MSRA: variants seen among roughly 807,000 people sequenced by gnomAD.
MSRA encodes mitochondrial peptide methionine sulfoxide reductase.
MSRA carries 54 observed loss-of-function variants against 31.3 expected under a neutral mutation model. That is an observed-to-expected ratio of 1.73 (90% CI 1.39 to 2.17). The LOEUF (loss-of-function observed/expected upper bound fraction) is 2.17. Ranked by LOEUF, MSRA falls within the 30% of genes most tolerant of loss-of-function variation. The pLI is 0.00. For missense variants in MSRA, 507 were observed against 300.9 expected, an observed-to-expected ratio of 1.69 and a Z score of -5.07; for synonymous variants, 169 against 116.5, an observed-to-expected ratio of 1.45 and a Z score of -2.90.
chr8:10,414,805 A>G (rs1451047119), intron 5 of MSRA, among the ~76,000 whole-genome samples: 1 of 152,238 alleles, frequency 6.6e-6, no homozygotes, highest in Non-Finnish European at 1.5e-5. Flanking sequence ...TTTGTGTACT[A>G]AATGCTAAGC....
Position 10,245,163 on chromosome 8 carries a change from A to T in MSRA, c.271A>T (p.Thr91Ser). ...KFWVLKGVYS[T>S]QVGFAGGYTS... ...CTGGGTCTTGAAAGGAGTGTATTCA[A>T]CTCAAGTTGGTTTTGCAGGAGGCTA... The change falls in exon 3 of 6, where the codon ACT (threonine) becomes TCT (serine). Residue 91 changes from threonine to serine, a missense_variant. Physicochemically the swap from Thr to Ser is moderately conservative, Grantham distance 58. Coordinates refer to ENST00000317173, the MANE Select transcript of MSRA (RefSeq NM_012331.5). The T allele has an allele frequency of 6.2e-7, 1 of 1,613,792 alleles. No homozygotes were observed. The highest frequency in any genetic ancestry group is 8.5e-7 in the Non-Finnish European group (1 of 1,179,844).
At chr8:10,197,957 G>A (rs961250600) in intron 1 of MSRA, among the ~76,000 whole-genome samples, 6 of 152,290 alleles carry the variant, frequency 3.9e-5, no homozygotes, top group African/African-American at 9.6e-5. Flanking sequence ...GCAAGCAGCC[G>A]GTCATGGGTT....
chr8:10,212,141 C>T (rs934458692), intron 2 of MSRA, among the ~76,000 whole-genome samples: 3 of 151,662 alleles, frequency 2.0e-5, no homozygotes, highest in South Asian at 2.1e-4. Context: ...GAGCCGAGAT[C>T]GCGCCACTGC....
Position 10,283,127 on chromosome 8 carries a change from ATT to A in MSRA, c.332-18406_332-18405del, listed in dbSNP as rs1563306322. 1.4e-4 allele frequency among the ~76,000 whole-genome samples: 12 copies of A among 87,370 alleles called. No homozygotes were observed. The East Asian group carries it at 2.5e-3, about 18-fold the overall frequency. 57.3% of individuals were successfully genotyped at this position (87,370 alleles called of 152,430 possible). ...GACACATCATATTGCATATATTCAC[ATT>A]ACACACACACACACACACACACACA... On this transcript the variant is annotated intron_variant, in intron 3 of 5. Transcript: ENST00000317173.
At chr8:10,125,692 A>G (rs2129020586) in intron 1 of MSRA, among the ~76,000 whole-genome samples, 1 of 152,338 alleles carries the variant, frequency 6.6e-6, no homozygotes, top group South Asian at 2.1e-4. Context: ...GTCTCTCGTG[A>G]AAGTTTTCCC....
At chr8:10,357,327 G>T (rs921482145) in intron 5 of MSRA, among the ~76,000 whole-genome samples, 2 of 152,160 alleles carry the variant, frequency 1.3e-5, no homozygotes, top group African/African-American at 4.8e-5. Flanking sequence ...AGGTCTTACA[G>T]GAAAGTCAGA....
chr8:10,279,917 C>T lies in MSRA; in HGVS notation c.332-21617C>T, dbSNP rs528777570. ...TGCATTAAATGTGGCAAATCTGTTT[C>T]TTGGATATTCTGTTGAATTTACCTC... On this transcript the variant is annotated intron_variant, in intron 3 of 5. Transcript: ENST00000317173. Among the ~76,000 whole-genome samples, 15 of 152,284 alleles carry T rather than the reference C, an allele frequency of 9.9e-5. No homozygotes were observed. In the South Asian group the frequency reaches 2.9e-3, roughly 29 times the overall value.
intron 1 of MSRA, among the ~76,000 whole-genome samples, chr8:10,194,783 C>T (rs1807832287): frequency 1.3e-5 from 2 of 152,186 alleles, no homozygotes; most frequent in Admixed American, 6.5e-5. Context: ...AGCTCAGGGG[C>T]TGCTTACCTG....
chr8:10,416,206 C>T (rs1808449421), intron 5 of MSRA, among the ~76,000 whole-genome samples: 1 of 152,228 alleles, frequency 6.6e-6, no homozygotes, highest in Non-Finnish European at 1.5e-5. Context: ...CTGTTCATCC[C>T]TGTGTTCCTC....
intron 3 of MSRA, among the ~76,000 whole-genome samples, chr8:10,284,420 C>T (rs1389727983): frequency 1.3e-5 from 2 of 152,148 alleles, no homozygotes; most frequent in East Asian, 1.9e-4. Context: ...ACTCAAACTC[C>T]TCACCTCAAG....
chr8:10,233,567 C>G (rs987106023), intron 2 of MSRA, among the ~76,000 whole-genome samples: 6 of 152,160 alleles, frequency 3.9e-5, no homozygotes, highest in Non-Finnish European at 7.4e-5. Flanking sequence ...ATACCTGGAA[C>G]TCTTAGATTG....
chr8:10,409,739 G>A (rs1409535184), intron 5 of MSRA, among the ~76,000 whole-genome samples: 1 of 152,208 alleles, frequency 6.6e-6, no homozygotes, highest in African/African-American at 2.4e-5. Context: ...ACTTTCACTT[G>A]GGTTGATTTA....
At chr8:10,237,411 T>A (rs1032468368) in intron 2 of MSRA, among the ~76,000 whole-genome samples, 1 of 152,232 alleles carries the variant, frequency 6.6e-6, no homozygotes, top group African/African-American at 2.4e-5. Context: ...GTTGACTAAA[T>A]TTACAAATAA....
chr8:10,244,411 G>GT (rs1446408791), intron 2 of MSRA, among the ~76,000 whole-genome samples: 1 of 152,136 alleles, frequency 6.6e-6, no homozygotes, highest in African/African-American at 2.4e-5. Flanking sequence ...GTGGCCACTG[G>GT]TATACACACA....
intron 5 of MSRA, among the ~76,000 whole-genome samples, chr8:10,355,322 ACT>A (rs1804444247): frequency 6.6e-6 from 1 of 152,146 alleles, no homozygotes; most frequent in Non-Finnish European, 1.5e-5. Context: ...ATTGTCAGAG[ACT>A]CGGGATTTTT....
chr8:10,209,144 A>G (rs1269863062), intron 2 of MSRA, among the ~76,000 whole-genome samples: 5 of 152,264 alleles, frequency 3.3e-5, no homozygotes, highest in Admixed American at 2.6e-4. Context: ...TTGATTTTGT[A>G]GAAGGCATAA....
intron 5 of MSRA, among the ~76,000 whole-genome samples, chr8:10,367,837 A>G (rs1805256116): frequency 6.6e-6 from 1 of 152,232 alleles, no homozygotes; most frequent in Non-Finnish European, 1.5e-5. Context: ...GGCAGGCCTC[A>G]TGAGGAAGGC....
chr8:10,105,179 A>T (rs1799800791), intron 1 of MSRA, among the ~76,000 whole-genome samples: 1 of 152,052 alleles, frequency 6.6e-6, no homozygotes, highest in African/African-American at 2.4e-5. Flanking sequence ...TGCTCATCGA[A>T]GATACCTTCT....
At chr8:10,191,959 G>T (rs1016974718) in intron 1 of MSRA, among the ~76,000 whole-genome samples, 1 of 152,138 alleles carries the variant, frequency 6.6e-6, no homozygotes, top group Non-Finnish European at 1.5e-5. Flanking sequence ...GGTGCCCCTG[G>T]ATCAGTGTTC....
Sources: gnomAD v4.1 joint callset for allele counts (sites outside exome capture counted in the v4.1 genomes callset) on GRCh38, gnomAD v4.1.1 for gene constraint, MANE v1.5 for transcripts, NCBI Gene and HGNC (gene_info 2026-07-23, HGNC 2026-07-21) for gene names.